Variants in DROSHA observed in about 807,000 individuals in gnomAD.
DROSHA encodes the protein ribonuclease 3.
A neutral mutation model predicts 181.9 loss-of-function variants in DROSHA; 56 were observed. The ratio of observed to expected loss-of-function variants is 0.31; its 90% confidence interval spans 0.25 to 0.38. DROSHA has a LOEUF of 0.38. Among genes scored for constraint, DROSHA ranks in the 10% least tolerant of loss-of-function variants. The probability of loss-of-function intolerance (pLI) is 1.00; values close to 1 mark genes in which losing one functional copy is unlikely to be tolerated. For synonymous variants in DROSHA, 524 were observed against 591.2 expected (o/e 0.89, Z 1.65); for missense variants, 1,218 against 1,743.5 (o/e 0.70, Z 5.37).
chr5:31,437,996 C>A (rs933900418), intron 23 of DROSHA, among the ~76,000 whole-genome samples: 1 of 152,190 alleles, frequency 6.6e-6, no homozygotes, highest in Non-Finnish European at 1.5e-5. Flanking sequence ...AAGCCCTGCC[C>A]GATGCCCCTC....
At chr5:31,519,195 G>C (rs894832444) in intron 6 of DROSHA, among the ~76,000 whole-genome samples, 12 of 152,118 alleles carry the variant, frequency 7.9e-5, no homozygotes, top group African/African-American at 2.9e-4. Context: ...CATTAGAGAA[G>C]AAACCATTAA....
At chr5:31,467,697 TGTTGA>T (rs1342185666) in intron 18 of DROSHA, 1 of 272,082 alleles carries the variant, frequency 3.7e-6, no homozygotes, top group Admixed American at 4.9e-5. Flanking sequence ...CAAGGACTTA[TGTTGA>T]CCAAGTTTGC....
Position 31,478,329 on chromosome 5 carries a change from A to T in DROSHA, c.2071+5225T>A, listed in dbSNP as rs3885630. Among the ~76,000 whole-genome samples the T allele has an allele frequency of 2.6e-5, 4 of 152,356 alleles. No individual in the cohort carries two copies. The East Asian group carries it at 7.7e-4, about 29-fold the overall frequency. On this transcript the variant is annotated intron_variant, in intron 16 of 35. Coordinates refer to ENST00000344624, the MANE Select transcript of DROSHA (RefSeq NM_001382508.1). ...AAAAAGAAAAATCCAAAAAAAACTCAAAATGTTTTACGAAAGTTTACGAAT... is the reference window on the plus strand; with the variant it reads ...AAAAAGAAAAATCCAAAAAAAACTCTAAATGTTTTACGAAAGTTTACGAAT...
At chr5:31,458,597 A>G (rs1349747287) in intron 20 of DROSHA, among the ~76,000 whole-genome samples, 3 of 152,208 alleles carry the variant, frequency 2.0e-5, no homozygotes, top group Non-Finnish European at 4.4e-5. Flanking sequence ...CTATGAAAAT[A>G]TCTTGCAAAA....
chr5:31,428,315 G>A (rs534526141), intron 27 of DROSHA, among the ~76,000 whole-genome samples: 14 of 152,146 alleles, frequency 9.2e-5, no homozygotes, highest in Admixed American at 8.5e-4. Context: ...AGGGTGCTGG[G>A]GGACACACAG....
chr5:31,428,675 A>G (rs1580057273), intron 27 of DROSHA, among the ~76,000 whole-genome samples: 1 of 152,228 alleles, frequency 6.6e-6, no homozygotes, highest in Non-Finnish European at 1.5e-5. Flanking sequence ...TAATACAGTA[A>G]TAACGTCTGA....
chr5:31,439,257 C>T (rs746914448), intron 23 of DROSHA, among the ~76,000 whole-genome samples: 1 of 152,202 alleles, frequency 6.6e-6, no homozygotes. Context: ...AAATTGCATG[C>T]TGTTCTTCAA....
chr5:31,417,810 T>C (rs1270865831), intron 30 of DROSHA, among the ~76,000 whole-genome samples: 4 of 152,142 alleles, frequency 2.6e-5, no homozygotes, highest in Non-Finnish European at 4.4e-5. Flanking sequence ...TCACTGTAGA[T>C]GAAAGGCCAG....
intron 23 of DROSHA, among the ~76,000 whole-genome samples, chr5:31,447,081 C>T (rs775508606): frequency 2.0e-5 from 3 of 152,112 alleles, no homozygotes; most frequent in African/African-American, 7.2e-5. Context: ...GAATACTATG[C>T]AGCCATAAAA....
intron 25 of DROSHA, 57 bp downstream of exon 25, chr5:31,435,708 T>A (rs566971460): frequency 6.7e-7 from 1 of 1,496,280 alleles, no homozygotes; most frequent in Admixed American, 1.8e-5. Flanking sequence ...AAATTATGCA[T>A]GGACCGCAGA....
chr5:31,521,289 T>G, intron 5 of DROSHA, 74 bp from the exon 6 acceptor site: 2 of 1,512,190 alleles, frequency 1.3e-6, no homozygotes, highest in South Asian at 2.3e-5. Context: ...ACTGAATTCA[T>G]CTTGTAAATA....
chr5:31,514,458 T>G lies in DROSHA; in HGVS notation c.1290+530A>C, dbSNP rs988230545. On this transcript the variant is annotated intron_variant, in intron 8 of 35. Transcript: ENST00000344624. The surrounding 1 kb of genome is among the most constrained non-coding windows in gnomAD (Gnocchi z 4.4). Reference sequence around the variant, plus strand: ...GAGTTCGAGACCAGAGTGGGCAACATAGTATGACCTCATCTCTACTAAAAA... The same window carrying G: ...GAGTTCGAGACCAGAGTGGGCAACAGAGTATGACCTCATCTCTACTAAAAA... Among the ~76,000 whole-genome samples, 13 of 151,810 alleles carry G rather than the reference T, an allele frequency of 8.6e-5. No homozygotes were observed. The highest frequency in any genetic ancestry group is 3.1e-4 in the African/African-American group (13 of 41,318).
intron 4 of DROSHA, among the ~76,000 whole-genome samples, chr5:31,528,620 C>A (rs921064840): frequency 6.6e-5 from 10 of 152,290 alleles, no homozygotes; most frequent in Non-Finnish European, 1.3e-4. Context: ...TACTTCACAT[C>A]ATCACCTCTT....
At position 31,449,304 on chromosome 5, in the gene DROSHA, T is replaced by C. The variant is rs1263918687; in HGVS notation, c.2798A>G (p.His933Arg). The C allele has an allele frequency of 5.0e-6, 8 of 1,613,944 alleles. No individual in the cohort carries two copies. Among genetic ancestry groups the C allele is most frequent in the Non-Finnish European group, 6.8e-6 (8 of 1,179,872 alleles). The change falls in exon 22 of 36, where the codon CAT (histidine) becomes CGT (arginine). Residue 933 changes from histidine (H) to arginine (R), a missense_variant. Physicochemically the swap from His to Arg is conservative, Grantham distance 29 (BLOSUM62 0). Coordinates refer to ENST00000344624, the MANE Select transcript of DROSHA (RefSeq NM_001382508.1). ...RQPKYGDRKV[H>R]HMHMRKKGIN... ...ACCTTTCTTCCGCATGTGCATGTGATGAACTTTTCTGTCTCCGTATTTGGG... is the reference window on the plus strand; with the variant it reads ...ACCTTTCTTCCGCATGTGCATGTGACGAACTTTTCTGTCTCCGTATTTGGG...
Position 31,401,541 on chromosome 5 carries a change from T to C in DROSHA, c.4016A>G (p.His1339Arg). Residue 1339 changes from histidine (H) to arginine (R), a missense_variant, in exon 36 of 36, where the codon CAT becomes CGT. Physicochemically the swap from His to Arg is conservative, Grantham distance 29 (BLOSUM62 0). Coordinates refer to ENST00000344624, the MANE Select transcript of DROSHA (RefSeq NM_001382508.1). ...LEKYNFPQMA[H>R]QKRFIERKYR... ...CTTCCGTTCGATGAACCGCTTCTGATGGGCCATCTGGGGAAAATTATCTGA... is the reference window on the plus strand; with the variant it reads ...CTTCCGTTCGATGAACCGCTTCTGACGGGCCATCTGGGGAAAATTATCTGA... The C allele has an allele frequency of 6.3e-7, 1 of 1,585,944 alleles. No individual in the cohort carries two copies. Among genetic ancestry groups the C allele is most frequent in the Non-Finnish European group, 8.6e-7 (1 of 1,165,748 alleles).
intron 11 of DROSHA, among the ~76,000 whole-genome samples, chr5:31,503,982 A>G (rs548408755): frequency 6.6e-6 from 1 of 152,372 alleles, no homozygotes; most frequent in African/African-American, 2.4e-5. Context: ...GGATTAATAA[A>G]AATAGCTTAT....
rs913057181 is a variant in DROSHA, at chr5:31,495,481, G to A, written c.1669-109C>T. On this transcript the variant is annotated intron_variant, in intron 11 of 35. Transcript: ENST00000344624. Reference sequence around the variant, plus strand: ...ATCTAACAAAACAGGTTTTATGTCTGTTCCTTCACAGACTGGTAGGAAAGA... The same window carrying A: ...ATCTAACAAAACAGGTTTTATGTCTATTCCTTCACAGACTGGTAGGAAAGA... 8.0e-6 allele frequency: 8 copies of A among 999,294 alleles called. No individual in the cohort carries two copies. The African/African-American group carries it at 9.8e-5, about 12-fold the overall frequency. The allele number at this position is 999,294 out of a possible 1,614,324, so 61.9% of individuals were successfully genotyped here.
intron 21 of DROSHA, among the ~76,000 whole-genome samples, chr5:31,450,104 C>G (rs1746788938): frequency 6.6e-6 from 1 of 152,060 alleles, no homozygotes; most frequent in Non-Finnish European, 1.5e-5. Context: ...CAAATTAAAA[C>G]CACAAGGAGA....
At chr5:31,468,433 C>T (rs1732109908) in intron 17 of DROSHA, among the ~76,000 whole-genome samples, 1 of 152,222 alleles carries the variant, frequency 6.6e-6, no homozygotes, top group Non-Finnish European at 1.5e-5. Context: ...TTTAATTTCA[C>T]ATTTCAGAAT....
Sources: allele counts gnomAD v4.1 joint callset (sites outside exome capture counted in the v4.1 genomes callset), GRCh38; gene constraint gnomAD v4.1.1; non-coding constraint Gnocchi (gnomAD v3.1); transcripts MANE v1.5; gene names NCBI Gene and HGNC (gene_info 2026-07-23, HGNC 2026-07-21).